The following MIPOL1 variants were observed in gnomAD, a reference collection of about 807,000 sequenced individuals.
MIPOL1 encodes mirror-image polydactyly 1.
Under a neutral mutation model 60.9 loss-of-function variants are expected in MIPOL1, and 57 were observed. The ratio of observed to expected loss-of-function variants is 0.94; its 90% confidence interval spans 0.76 to 1.17. The LOEUF (loss-of-function observed/expected upper bound fraction) is 1.17. Among genes scored for constraint, MIPOL1 ranks in the 50% most tolerant of loss-of-function variants. The pLI is 0.00. For missense variants in MIPOL1, 551 were observed against 511.6 expected (o/e 1.08, Z -0.74); for synonymous variants, 179 against 168.8 (o/e 1.06, Z -0.47).
intron 12 of MIPOL1, among the ~76,000 whole-genome samples, chr14:37,540,562 A>G (rs1407815297): frequency 6.6e-6 from 1 of 152,114 alleles, no homozygotes; most frequent in East Asian, 1.9e-4. Flanking sequence ...GGGTAAGCCG[A>G]TCAATTGCCT....
At chr14:37,358,011 C>A (rs1238594704) in intron 9 of MIPOL1, among the ~76,000 whole-genome samples, 2 of 151,508 alleles carry the variant, frequency 1.3e-5, no homozygotes, top group African/African-American at 4.9e-5. Context: ...CCTGAGAGGC[C>A]CCCGTGTGTG....
intron 12 of MIPOL1, 115 bp from the exon 13 acceptor site, chr14:37,546,790 A>G: frequency 1.3e-6 from 1 of 778,338 alleles, no homozygotes; most frequent in East Asian, 2.6e-5. Context: ...GTTTCTTAAC[A>G]TGACCGTGAG....
At chr14:37,256,812 A>G (rs780559764) in intron 3 of MIPOL1, among the ~76,000 whole-genome samples, 2 of 151,732 alleles carry the variant, frequency 1.3e-5, no homozygotes, top group Non-Finnish European at 2.9e-5. Flanking sequence ...TTCTATATTG[A>G]CCCTTTATTA....
rs191290294 is a variant in MIPOL1, at chr14:37,427,748, A to C, written c.1031+4799A>C. On this transcript the variant is annotated intron_variant, in intron 11 of 12. Transcript: ENST00000684589. ...TTCCTGCAAGCTCAAAGTCTACTTT[A>C]ATTTGATTTAAATGAAAGTAAACAG... Among the ~76,000 whole-genome samples, 9 of 152,332 alleles carry C rather than the reference A, an allele frequency of 5.9e-5. No individual in the cohort carries two copies. The East Asian group carries it at 1.5e-3, about 26-fold the overall frequency.
chr14:37,420,652 C>T (rs1017481463), intron 10 of MIPOL1, among the ~76,000 whole-genome samples: 2 of 152,072 alleles, frequency 1.3e-5, no homozygotes, highest in Non-Finnish European at 2.9e-5. Context: ...AACTTACCCC[C>T]CAACAAAGGA....
intron 10 of MIPOL1, among the ~76,000 whole-genome samples, chr14:37,404,939 A>G (rs1222875977): frequency 6.6e-6 from 1 of 152,150 alleles, no homozygotes; most frequent in Non-Finnish European, 1.5e-5. Context: ...GTAGAAGAAT[A>G]TTATTTACTT....
chr14:37,207,663 AG>A (rs763307627), intron 1 of MIPOL1, among the ~76,000 whole-genome samples: 2 of 152,012 alleles, frequency 1.3e-5, no homozygotes, highest in Non-Finnish European at 2.9e-5. Context: ...CTTGTGCTTC[AG>A]CCTCCCGAGT....
At chr14:37,528,793 A>AAAAG (rs1159270313) in intron 12 of MIPOL1, among the ~76,000 whole-genome samples, 2 of 152,138 alleles carry the variant, frequency 1.3e-5, no homozygotes, top group African/African-American at 4.8e-5. Flanking sequence ...TACCTAATAG[A>AAAAG]AAAGAATGAT....
Position 37,547,065 on chromosome 14 carries a change from A to G in MIPOL1, c.*94A>G. 9.3e-7 allele frequency: 1 copy of G among 1,072,936 alleles called. No homozygotes were observed. The highest frequency in any genetic ancestry group is 1.4e-6 in the Non-Finnish European group (1 of 712,268). The allele number at this position is 1,072,936 out of a possible 1,614,324, so 66.5% of individuals were successfully genotyped here. ...TAAACACCAAAGCCTTAACTTAGCA[A>G]ACAGTTGTTAGAAGTGGGACACTCC... On this transcript the variant is annotated 3_prime_UTR_variant, in exon 13 of 13. Transcript: ENST00000684589.
chr14:37,524,652 C>G (rs1015042555), intron 12 of MIPOL1, among the ~76,000 whole-genome samples: 1 of 145,640 alleles, frequency 6.9e-6, no homozygotes, highest in Admixed American at 7.2e-5. Context: ...ACTGCAACCT[C>G]TGGCTCCCAG....
intron 3 of MIPOL1, among the ~76,000 whole-genome samples, chr14:37,254,194 A>C (rs1567163902): frequency 1.3e-5 from 2 of 151,776 alleles, no homozygotes; most frequent in African/African-American, 2.4e-5. Context: ...TATTTTAAAA[A>C]ATTTCCTTTA....
At chr14:37,250,601 T>G (rs910383833) in intron 3 of MIPOL1, among the ~76,000 whole-genome samples, 1 of 152,054 alleles carries the variant, frequency 6.6e-6, no homozygotes, top group Non-Finnish European at 1.5e-5. Context: ...AACTTTCAAG[T>G]CTTGGGATAA....
intron 12 of MIPOL1, among the ~76,000 whole-genome samples, chr14:37,521,677 A>G (rs1488697129): frequency 1.1e-4 from 16 of 152,126 alleles, no homozygotes; most frequent in African/African-American, 3.9e-4. Flanking sequence ...TGATTGAGTC[A>G]TGAACTATTC....
chr14:37,349,502 C>T (rs887619709), intron 9 of MIPOL1, among the ~76,000 whole-genome samples: 3 of 152,186 alleles, frequency 2.0e-5, no homozygotes, highest in African/African-American at 7.2e-5. Context: ...ATTCTCCTTG[C>T]CATTACTCAA....
intron 10 of MIPOL1, among the ~76,000 whole-genome samples, chr14:37,371,860 CAT>C (rs1333577036): frequency 2.0e-5 from 3 of 151,994 alleles, no homozygotes; most frequent in Admixed American, 6.6e-5. Flanking sequence ...TTTAAGTTGT[CAT>C]ATGAGTTATG....
intron 11 of MIPOL1, among the ~76,000 whole-genome samples, chr14:37,448,287 C>T (rs190993792): frequency 1.4e-4 from 21 of 152,238 alleles, no homozygotes; most frequent in Non-Finnish European, 2.8e-4. Flanking sequence ...TGGGCTAATG[C>T]AGGAGTGTAG....
chr14:37,256,830 A>T (rs1200896910), intron 3 of MIPOL1, among the ~76,000 whole-genome samples: 1 of 151,872 alleles, frequency 6.6e-6, no homozygotes, highest in Non-Finnish European at 1.5e-5. Flanking sequence ...TTATTTTTTT[A>T]AAAAGTCTCT....
chr14:37,481,513 TAAAAG>T (rs1214148874), intron 11 of MIPOL1, among the ~76,000 whole-genome samples: 2 of 146,178 alleles, frequency 1.4e-5, no homozygotes, highest in East Asian at 2.1e-4. Context: ...ATGTCATTGT[TAAAAG>T]AAATAGAAAA....
chr14:37,509,064 G>T (rs147104320), intron 12 of MIPOL1, among the ~76,000 whole-genome samples: 358 of 152,052 alleles, frequency 2.4e-3, no homozygotes, highest in Non-Finnish European at 4.3e-3. Context: ...GTTGCTTAAA[G>T]ATTTTATTTT....
Sources: allele counts gnomAD v4.1 joint callset (sites outside exome capture counted in the v4.1 genomes callset), GRCh38; gene constraint gnomAD v4.1.1; transcripts MANE v1.5; gene names NCBI Gene and HGNC (gene_info 2026-07-23, HGNC 2026-07-21).